Variants in STIM1 observed in about 807,000 individuals in gnomAD.
STIM1 encodes stromal interaction molecule 1.
A neutral mutation model predicts 74.7 loss-of-function variants in STIM1; 25 were observed. The observed-to-expected ratio is 0.33, with a 90% CI of 0.24 to 0.47. The LOEUF is 0.47. Ranked by LOEUF, STIM1 falls within the 20% of genes least tolerant of loss-of-function variation. The pLI is 1.00. For missense variants in STIM1, 728 were observed against 920.8 expected (o/e 0.79, Z 2.71); for synonymous variants, 328 against 348.8 (o/e 0.94, Z 0.66).
At chr11:3,860,437 C>T (rs1334343704) in intron 1 of STIM1, among the ~76,000 whole-genome samples, 2 of 152,206 alleles carry the variant, frequency 1.3e-5, no homozygotes, top group African/African-American at 4.8e-5. Flanking sequence ...CAGTCTGATT[C>T]TTCTCTCTAC....
At chr11:4,055,694 G>A (rs570882085) in intron 4 of STIM1, 57 bp downstream of exon 4, 221 of 1,376,846 alleles carry the variant, frequency 1.6e-4, no homozygotes, top group Middle Eastern at 1.2e-3. Flanking sequence ...GCTGGAGTGG[G>A]CCTGCCTTCA....
chr11:4,001,601 A>G (rs2093717953), intron 2 of STIM1, among the ~76,000 whole-genome samples: 1 of 152,236 alleles, frequency 6.6e-6, no homozygotes, highest in Admixed American at 6.5e-5. Context: ...AAACATGGAA[A>G]GGCACAACCG....
At chr11:4,011,092 C>T (rs2093831916) in intron 2 of STIM1, among the ~76,000 whole-genome samples, 1 of 152,162 alleles carries the variant, frequency 6.6e-6, no homozygotes, top group African/African-American at 2.4e-5. Flanking sequence ...TGTATATATG[C>T]CACATTTTCT....
Position 4,086,517 on chromosome 11 carries a change from G to T in STIM1, c.1608G>T (p.Glu536Asp). ...GCAGTGTTCGGCAGCGCCTGACGGA[G>T]CCACAGCATGGCCTGGGATCTCAGA... ...LQSSVRQRLT[E>D]PQHGLGSQRD... The change falls in exon 12 of 13, where the codon GAG (glutamate) becomes GAT (aspartate). Residue 536 changes from glutamate to aspartate, a missense_variant. Physicochemically the swap from Glu to Asp is conservative, Grantham distance 45. This residue lies in a region of STIM1 where 352 missense variants were observed against 370.1 expected (regional missense o/e 0.95). Coordinates refer to ENST00000526596, the MANE Select transcript of STIM1 (RefSeq NM_001382567.1). The T allele has an allele frequency of 6.2e-7, 1 of 1,614,190 alleles. No individual in the cohort carries two copies. Among genetic ancestry groups the T allele is most frequent in the Non-Finnish European group, 8.5e-7 (1 of 1,180,038 alleles).
intron 2 of STIM1, among the ~76,000 whole-genome samples, chr11:4,005,392 A>G (rs1461148152): frequency 6.6e-6 from 1 of 152,330 alleles, no homozygotes; most frequent in African/African-American, 2.4e-5. Context: ...ACCATGGCAT[A>G]CTATGCAGCC....
intron 1 of STIM1, among the ~76,000 whole-genome samples, chr11:3,904,219 A>C (rs1247259229): frequency 7.0e-6 from 1 of 142,060 alleles, no homozygotes; most frequent in East Asian, 2.0e-4. Flanking sequence ...AAAAAAAAAA[A>C]GAAAATATAC....
intron 2 of STIM1, among the ~76,000 whole-genome samples, chr11:4,009,564 T>C (rs927165017): frequency 2.0e-5 from 3 of 151,544 alleles, no homozygotes; most frequent in African/African-American, 7.3e-5. Context: ...GCTGAGATCA[T>C]GCCACTGCAC....
intron 1 of STIM1, chr11:3,961,392 TG>T: frequency 4.1e-6 from 1 of 244,634 alleles, no homozygotes. Flanking sequence ...AAGCTATAAC[TG>T]GGGACATTAA....
At chr11:3,903,178 A>G (rs2092392825) in intron 1 of STIM1, among the ~76,000 whole-genome samples, 1 of 152,178 alleles carries the variant, frequency 6.6e-6, no homozygotes, top group Non-Finnish European at 1.5e-5. Flanking sequence ...GAGAACTGAA[A>G]TAATTTGCCC....
intron 1 of STIM1, among the ~76,000 whole-genome samples, chr11:3,933,665 T>C (rs1252043988): frequency 6.6e-6 from 1 of 152,204 alleles, no homozygotes; most frequent in Non-Finnish European, 1.5e-5. Context: ...ATATCCTGTT[T>C]GGTAGATAAC....
chr11:3,904,789 T>C (rs2092435941), intron 1 of STIM1, among the ~76,000 whole-genome samples: 1 of 152,040 alleles, frequency 6.6e-6, no homozygotes, highest in Non-Finnish European at 1.5e-5. Flanking sequence ...GCCGGGGAAG[T>C]TAATGCTGCT....
intron 12 of STIM1, among the ~76,000 whole-genome samples, chr11:4,088,391 T>G (rs2094505024): frequency 6.6e-6 from 1 of 152,224 alleles, no homozygotes; most frequent in African/African-American, 2.4e-5. Context: ...GCTCTGCCCC[T>G]TAAACCTCTG....
intron 7 of STIM1, 68 bp from the exon 8 acceptor site, chr11:4,082,116 A>G (rs2094468477): frequency 6.6e-7 from 1 of 1,506,370 alleles, no homozygotes; most frequent in African/African-American, 1.4e-5. Context: ...TGAGTTCTGA[A>G]GCATCATACA....
intron 4 of STIM1, chr11:4,059,072 G>T (rs746525855): frequency 4.9e-6 from 4 of 809,846 alleles, no homozygotes; most frequent in Non-Finnish European, 7.3e-6. Context: ...GGTGGATATG[G>T]GGAGAGGGCT....
chr11:3,897,840 G>T (rs1008552814), intron 1 of STIM1, among the ~76,000 whole-genome samples: 30 of 152,182 alleles, frequency 2.0e-4, no homozygotes, highest in South Asian at 1.0e-3. Flanking sequence ...CAAAGGACAC[G>T]AACTCATCAT....
chr11:4,062,489 G>A (rs995145787), intron 5 of STIM1, among the ~76,000 whole-genome samples: 4 of 152,192 alleles, frequency 2.6e-5, no homozygotes, highest in Non-Finnish European at 5.9e-5. Context: ...GGGTGTGGTG[G>A]CACATGACTG....
rs776243394 is a variant in STIM1, at chr11:4,086,623, T to A, written c.1634+80T>A. On this transcript the variant is annotated intron_variant, in intron 12 of 12. Coordinates refer to ENST00000526596, the MANE Select transcript of STIM1 (RefSeq NM_001382567.1). ...AATGCGCAGCCTTTCATCTGGACAG[T>A]CTTTCAGTTCTGAAGGCTACGGGAC... 3.8e-6 allele frequency: 6 copies of A among 1,589,638 alleles called. No homozygotes were observed. The highest frequency in any genetic ancestry group is 2.6e-6 in the Non-Finnish European group (3 of 1,165,866).
In STIM1 at chr11:4,012,702, T is replaced by C. The variant is rs556389564; in HGVS notation, c.271-11171T>C. Among the ~76,000 whole-genome samples, 328 of 152,328 alleles carry C rather than the reference T, an allele frequency of 2.2e-3. 2 individuals are homozygous for C. The highest frequency in any genetic ancestry group is 7.2e-3 in the African/African-American group (300 of 41,572). On this transcript the variant is annotated intron_variant, in intron 2 of 12. Coordinates refer to ENST00000526596, the MANE Select transcript of STIM1 (RefSeq NM_001382567.1). ...CAATTTGACTTCCTCTTTTCCTAAT[T>C]GAATACCCTTTATTTCTTTCTCTTG... is the stretch of plus-strand genomic sequence containing the variant.
intron 1 of STIM1, among the ~76,000 whole-genome samples, chr11:3,900,731 C>G (rs576500143): frequency 6.6e-6 from 1 of 152,334 alleles, no homozygotes; most frequent in East Asian, 1.9e-4. Flanking sequence ...AGGCACACCC[C>G]GCCATGCCTG....
Sources: gnomAD v4.1 joint callset for allele counts (sites outside exome capture counted in the v4.1 genomes callset) on GRCh38, gnomAD v4.1.1 for gene constraint, gnomAD v4.1.1 regional missense constraint, MANE v1.5 for transcripts, NCBI Gene and HGNC (gene_info 2026-07-23, HGNC 2026-07-21) for gene names.